SRCIN1: variants seen among roughly 807,000 people sequenced by gnomAD.
SRCIN1 encodes P130Cas-associated protein.
In SRCIN1, 50 loss-of-function variants were observed where a neutral mutation model predicts 116.2. The observed-to-expected ratio is 0.43, with a 90% CI of 0.34 to 0.54. The LOEUF is 0.54. Among genes scored for constraint, SRCIN1 ranks in the 20% least tolerant of loss-of-function variants. The pLI is 0.02. For missense variants in SRCIN1, 1,446 were observed against 1,672.0 expected (o/e 0.86, Z 2.36); for synonymous variants, 736 against 750.0 (o/e 0.98, Z 0.30).
At chr17:38,549,568 A>G (rs1341146357) in intron 15 of SRCIN1, among the ~76,000 whole-genome samples, 1 of 152,134 alleles carries the variant, frequency 6.6e-6, no homozygotes, top group Admixed American at 6.5e-5. Context: ...TTCAAGTTAG[A>G]GAGGCGCTGC....
chr17:38,581,123 C>A (rs537881129), intron 1 of SRCIN1, among the ~76,000 whole-genome samples: 8 of 152,178 alleles, frequency 5.3e-5, no homozygotes, highest in African/African-American at 1.9e-4. Flanking sequence ...GTGTGAGCCG[C>A]GGACCAGGCA....
In SRCIN1 at chr17:38,572,443, G is replaced by A. The variant is rs1054036959; in HGVS notation, c.325-4212C>T. ...CATGACTTTCCGACGCTGGGGGAGG[G>A]GGCGCCAGCCTGATTTTGGAGTGGG... On this transcript the variant is annotated intron_variant, in intron 2 of 18. Transcript: ENST00000617146. This position sits in a 1 kb window ranked among gnomAD's most constrained non-coding sequence, Gnocchi z 4.3. Among the ~76,000 whole-genome samples the A allele has an allele frequency of 5.9e-5, 9 of 152,314 alleles. No homozygotes were observed. Among genetic ancestry groups the A allele is most frequent in the East Asian group, 1.9e-4 (1 of 5,166 alleles).
intron 1 of SRCIN1, among the ~76,000 whole-genome samples, chr17:38,581,243 A>G (rs891342602): frequency 3.3e-5 from 5 of 152,076 alleles, no homozygotes; most frequent in Admixed American, 2.6e-4. Flanking sequence ...CATCTCTACT[A>G]AAAATACAAA....
Position 38,551,998 on chromosome 17 carries a change from T to C in SRCIN1, c.2615A>G (p.His872Arg), listed in dbSNP as rs1905452885. ...MPPPSPPLNL[H>R]ELSGPAEGAS... Reference sequence around the variant, plus strand: ...TCCTTCAGCTGGCCCGCTCAGCTCATGCAGGTTCAGCGGGGGGCTGGGGGG... The same window carrying C: ...TCCTTCAGCTGGCCCGCTCAGCTCACGCAGGTTCAGCGGGGGGCTGGGGGG... The change falls in exon 14 of 19, where the codon CAT becomes CGT. Residue 872 changes from histidine (H) to arginine (R), a missense_variant. By Grantham distance (29) the His-to-Arg change is conservative. This residue lies in a region of SRCIN1 where 531 missense variants were observed against 633.9 expected (regional missense o/e 0.84). Transcript: ENST00000617146. 4 of 1,613,870 alleles carry C rather than the reference T, an allele frequency of 2.5e-6. No individual in the cohort carries two copies. The African/African-American group carries it at 5.3e-5, about 22-fold the overall frequency.
At chr17:38,551,660 T>C (rs1905420609) in intron 14 of SRCIN1, 2 of 701,140 alleles carry the variant, frequency 2.9e-6, no homozygotes, top group Non-Finnish European at 4.7e-6. Flanking sequence ...AGTCTATTCT[T>C]GGGCAAACAT....
chr17:38,564,678 A>G (rs896490496), intron 3 of SRCIN1, among the ~76,000 whole-genome samples: 5 of 142,200 alleles, frequency 3.5e-5, no homozygotes, highest in African/African-American at 1.0e-4. Flanking sequence ...AAATTGGGGC[A>G]TTAGTTCCAG....
intron 1 of SRCIN1, among the ~76,000 whole-genome samples, chr17:38,598,444 C>CA (rs1908839694): frequency 6.6e-6 from 1 of 152,128 alleles, no homozygotes; most frequent in Non-Finnish European, 1.5e-5. Flanking sequence ...GTCCCCCCCG[C>CA]AATCTCCCCA....
intron 1 of SRCIN1, 132 bp from the exon 2 acceptor site, chr17:38,578,923 C>A (rs763678017): frequency 4.9e-5 from 53 of 1,081,064 alleles, no homozygotes; most frequent in Non-Finnish European, 6.6e-5. Context: ...CGGGGAGAGG[C>A]AGGGGCTGCC....
chr17:38,553,936 G>A (rs1905614928), intron 11 of SRCIN1, among the ~76,000 whole-genome samples: 2 of 152,178 alleles, frequency 1.3e-5, no homozygotes, highest in South Asian at 4.1e-4. Flanking sequence ...TCCCCGCTAG[G>A]CATGGTGGTT....
chr17:38,549,548 C>T (rs746938458), intron 15 of SRCIN1, among the ~76,000 whole-genome samples: 3 of 152,150 alleles, frequency 2.0e-5, no homozygotes, highest in Admixed American at 6.5e-5. Flanking sequence ...CCTGAGGTGA[C>T]GGACACACAT....
intron 11 of SRCIN1, among the ~76,000 whole-genome samples, chr17:38,554,159 C>A (rs141356694): frequency 2.6e-5 from 4 of 151,226 alleles, no homozygotes; most frequent in Admixed American, 6.6e-5. Flanking sequence ...TGCAGTGGGC[C>A]GAGATCATGC....
In SRCIN1 at chr17:38,549,164, C is replaced by A. The variant is rs574915265; in HGVS notation, c.3009G>T (p.Ser1003=). The change falls in exon 16 of 19, where the codon TCG becomes TCT. Residue 1003 remains serine (S), a synonymous_variant. Coordinates refer to ENST00000617146, the MANE Select transcript of SRCIN1 (RefSeq NM_025248.3). ...TCCGGCGGGGAGGGGGCGGTGGGGG[C>A]GACTTGGAGGGCTTCTCTGTGCGGT... ...PRYRTEKPSK[S]PPPPPPRRSF... 1.9e-6 allele frequency: 3 copies of A among 1,582,034 alleles called. No individual in the cohort carries two copies. The highest frequency in any genetic ancestry group is 1.1e-5 in the South Asian group (1 of 87,410).
chr17:38,580,031 G>A (rs192919530), intron 1 of SRCIN1, among the ~76,000 whole-genome samples: 81 of 152,290 alleles, frequency 5.3e-4, no homozygotes, highest in South Asian at 4.1e-3. Flanking sequence ...GGCATCAGGC[G>A]CTGCAGCAGA....
intron 15 of SRCIN1, among the ~76,000 whole-genome samples, chr17:38,550,112 G>A (rs990624162): frequency 5.9e-5 from 9 of 152,176 alleles, no homozygotes; most frequent in African/African-American, 9.7e-5. Flanking sequence ...GGCATGGTCC[G>A]GCACAGATTT....
rs1475913365 is a variant in SRCIN1, at chr17:38,558,214, G to A, written c.2201+13C>T. 2 of 1,608,020 alleles carry A rather than the reference G, an allele frequency of 1.2e-6. No individual in the cohort carries two copies. The highest frequency in any genetic ancestry group is 1.7e-6 in the Non-Finnish European group (2 of 1,176,086). On this transcript the variant is annotated intron_variant, in intron 11 of 18. Coordinates refer to ENST00000617146, the MANE Select transcript of SRCIN1 (RefSeq NM_025248.3). This position sits in a 1 kb window ranked among gnomAD's most constrained non-coding sequence, Gnocchi z 4.6. ...CACCCCCACCCCTCCCTCCGCCGCG[G>A]GCCCAGCCTCACTTGAGCTGCTGGG...
intron 2 of SRCIN1, among the ~76,000 whole-genome samples, chr17:38,575,446 G>C (rs1435385180): frequency 1.3e-5 from 2 of 152,060 alleles, no homozygotes; most frequent in Non-Finnish European, 2.9e-5. Context: ...TTAAGAGACA[G>C]CCATGTTGCT....
Position 38,578,697 on chromosome 17 carries a change from G to A in SRCIN1, c.117C>T (p.Ser39=). The A allele has an allele frequency of 1.8e-6, 2 of 1,108,804 alleles. No homozygotes were observed. Among genetic ancestry groups the A allele is most frequent in the Non-Finnish European group, 2.5e-6 (2 of 785,244 alleles). 68.7% of individuals were successfully genotyped at this position (1,108,804 alleles called of 1,614,324 possible). A position where few individuals can be genotyped will look rare whatever the true frequency, so the allele number is the denominator to read the frequency against. Residue 39 remains serine (S), a synonymous_variant, in exon 2 of 19, where the codon AGC becomes AGT. Transcript: ENST00000617146. The part of the protein sequence containing the change: ...RTLGGGGGGG[S]GGRRFSNVGL... ...CCACGTTGGAGAAGCGCCGGCCCCC[G>A]CTGCCCCCGCCGCCCCCGCCCCCCA...
At chr17:38,566,134 C>T (rs1412411655) in intron 3 of SRCIN1, among the ~76,000 whole-genome samples, 1 of 152,052 alleles carries the variant, frequency 6.6e-6, no homozygotes, top group Non-Finnish European at 1.5e-5. Flanking sequence ...CAGCCAGCAA[C>T]GATGAAGAGT....
At position 38,552,987 on chromosome 17, in the gene SRCIN1, G is replaced by T. The variant is rs2143114258; in HGVS notation, c.2202-132C>A. The T allele has an allele frequency of 3.6e-6, 5 of 1,390,056 alleles. No homozygotes were observed. In the South Asian group the frequency reaches 7.0e-5, roughly 20 times the overall value. The allele number at this position is 1,390,056 out of a possible 1,614,324, so 86.1% of individuals were successfully genotyped here. A position where few individuals can be genotyped will look rare whatever the true frequency, so the allele number is the denominator to read the frequency against. ...TAAAAGCAGGAGGCTGGGCACCGTG[G>T]CTCACGCCCGTAATCTCAGTACTTT... On this transcript the variant is annotated intron_variant, in intron 11 of 18. Transcript: ENST00000617146. This position sits in a 1 kb window ranked among gnomAD's most constrained non-coding sequence, Gnocchi z 5.3.
Sources: gnomAD v4.1 joint callset for allele counts (sites outside exome capture counted in the v4.1 genomes callset) on GRCh38, gnomAD v4.1.1 for gene constraint, gnomAD v4.1.1 regional missense constraint, Gnocchi (gnomAD v3.1) non-coding constraint, MANE v1.5 for transcripts, NCBI Gene and HGNC (gene_info 2026-07-23, HGNC 2026-07-21) for gene names.